Variants in CLSTN2 observed in about 807,000 individuals in gnomAD.
The protein encoded by CLSTN2 is calsyntenin-2.
In CLSTN2, 48 loss-of-function variants were observed where a neutral mutation model predicts 101.2. That is an observed-to-expected ratio of 0.47 (90% CI 0.38 to 0.60). The LOEUF is 0.60. CLSTN2 is among the 20% of genes least tolerant of loss of function. CLSTN2 has a pLI of 0.00. For synonymous variants in CLSTN2, 481 were observed against 463.6 expected (o/e 1.04, Z -0.48); for missense variants, 1,160 against 1,238.2 (o/e 0.94, Z 0.95).
At chr3:140,404,863 T>A in intron 4 of CLSTN2, 97 bp downstream of exon 4, 1 of 1,027,578 alleles carries the variant, frequency 9.7e-7, no homozygotes, top group South Asian at 1.4e-5. Flanking sequence ...CTTGGCAAGT[T>A]ATGCCTTTCT....
At chr3:140,364,677 G>C (rs1318216567) in intron 2 of CLSTN2, among the ~76,000 whole-genome samples, 1 of 152,182 alleles carries the variant, frequency 6.6e-6, no homozygotes, top group Non-Finnish European at 1.5e-5. Context: ...AATGAGGCAG[G>C]GGGAGGGCCA....
intron 2 of CLSTN2, among the ~76,000 whole-genome samples, chr3:140,210,351 T>A (rs2010839413): frequency 6.6e-6 from 1 of 152,208 alleles, no homozygotes; most frequent in African/African-American, 2.4e-5. Flanking sequence ...GACACAGTGT[T>A]CAACTTGATA....
intron 9 of CLSTN2, among the ~76,000 whole-genome samples, chr3:140,543,023 G>A (rs550382755): frequency 6.6e-6 from 1 of 152,226 alleles, no homozygotes; most frequent in Non-Finnish European, 1.5e-5. Context: ...GCCTAAATTT[G>A]TTCATCTATA....
At chr3:140,521,308 T>C (rs962675349) in intron 8 of CLSTN2, among the ~76,000 whole-genome samples, 5 of 152,186 alleles carry the variant, frequency 3.3e-5, no homozygotes, top group Non-Finnish European at 7.3e-5. Flanking sequence ...GACCTTTGAA[T>C]GGGATTTTTG....
intron 7 of CLSTN2, among the ~76,000 whole-genome samples, chr3:140,461,537 G>A (rs572374432): frequency 6.6e-6 from 1 of 152,314 alleles, no homozygotes; most frequent in East Asian, 1.9e-4. Context: ...AAGGCTGAGT[G>A]ATTGGCCCAG....
At chr3:140,509,461 C>A (rs1178285718) in intron 8 of CLSTN2, among the ~76,000 whole-genome samples, 1 of 152,138 alleles carries the variant, frequency 6.6e-6, no homozygotes, top group African/African-American at 2.4e-5. Context: ...AGAGACCACA[C>A]TTTGAGAACC....
intron 2 of CLSTN2, among the ~76,000 whole-genome samples, chr3:140,244,336 C>A (rs1202296789): frequency 6.6e-6 from 1 of 152,132 alleles, no homozygotes; most frequent in African/African-American, 2.4e-5. Flanking sequence ...AGTGTGAAGC[C>A]AAACTGACAT....
At chr3:140,346,294 G>T (rs765972466) in intron 2 of CLSTN2, among the ~76,000 whole-genome samples, 1 of 152,138 alleles carries the variant, frequency 6.6e-6, no homozygotes, top group Non-Finnish European at 1.5e-5. Flanking sequence ...GCATATAATA[G>T]CCCAAACAAG....
intron 2 of CLSTN2, among the ~76,000 whole-genome samples, chr3:140,273,606 T>C (rs2086764669): frequency 6.6e-6 from 1 of 152,204 alleles, no homozygotes; most frequent in South Asian, 2.1e-4. Context: ...AACCACCGTG[T>C]CAGAGCCCCA....
intron 1 of CLSTN2, among the ~76,000 whole-genome samples, chr3:139,974,920 G>A (rs1024207885): frequency 2.6e-5 from 4 of 152,170 alleles, no homozygotes; most frequent in African/African-American, 9.7e-5. Context: ...AGAGTCAGGT[G>A]GGATGGTAGT....
intron 1 of CLSTN2, among the ~76,000 whole-genome samples, chr3:139,953,998 G>C (rs996109266): frequency 4.7e-5 from 7 of 150,520 alleles, no homozygotes; most frequent in Admixed American, 1.3e-4. Context: ...TTTGGGTTCA[G>C]GGGGAACATG....
intron 1 of CLSTN2, among the ~76,000 whole-genome samples, chr3:140,045,742 A>G (rs1420115522): frequency 6.6e-6 from 1 of 152,198 alleles, no homozygotes; most frequent in Non-Finnish European, 1.5e-5. Flanking sequence ...GGTTTCAAAG[A>G]ACATCTTTAT....
intron 5 of CLSTN2, among the ~76,000 whole-genome samples, chr3:140,445,048 A>G (rs746032603): frequency 6.6e-6 from 1 of 152,122 alleles, no homozygotes; most frequent in African/African-American, 2.4e-5. Context: ...TTCTTTTACT[A>G]TATGGTTGCA....
intron 1 of CLSTN2, among the ~76,000 whole-genome samples, chr3:140,171,687 T>TATATA (rs10658008): frequency 0.95 from 107,819 of 113,960 alleles, 51,047 homozygotes; most frequent in East Asian, 0.98. Context: ...TTATATATAA[T>TATATA]ATATATTAAT....
chr3:140,543,026 C>T (rs1935515793), intron 9 of CLSTN2, among the ~76,000 whole-genome samples: 1 of 152,170 alleles, frequency 6.6e-6, no homozygotes, highest in South Asian at 2.1e-4. Flanking sequence ...TAAATTTGTT[C>T]ATCTATAACT....
chr3:140,079,980 A>G (rs2107780669), intron 1 of CLSTN2, among the ~76,000 whole-genome samples: 1 of 152,328 alleles, frequency 6.6e-6, no homozygotes, highest in African/African-American at 2.4e-5. Context: ...ACTTTGAGGA[A>G]GATGTGCTCA....
rs145163475 is a variant in CLSTN2, at chr3:140,310,353, C to G, written c.233-93276C>G. ...GCCTCTGTCGCACCTCTACCCAGCA[C>G]ACTCCCTCTGGCCCAGGCTCAGACA... On this transcript the variant is annotated intron_variant, in intron 2 of 16. Transcript: ENST00000458420. Among the ~76,000 whole-genome samples, 1,277 of 152,084 alleles carry G rather than the reference C, an allele frequency of 8.4e-3. 16 individuals carry two copies. The highest frequency in any genetic ancestry group is 0.029 in the African/African-American group (1,197 of 41,462).
chr3:140,547,136 G>T (rs369160727), intron 10 of CLSTN2, among the ~76,000 whole-genome samples: 1 of 152,192 alleles, frequency 6.6e-6, no homozygotes, highest in East Asian at 1.9e-4. Context: ...GAGAAAGCAG[G>T]TATGGAGGTC....
chr3:140,368,539 G>A (rs143476519), intron 2 of CLSTN2, among the ~76,000 whole-genome samples: 305 of 152,266 alleles, frequency 2.0e-3, no homozygotes, highest in Non-Finnish European at 3.8e-3. Flanking sequence ...GCCAAGGGGT[G>A]GTATCTATGT....
Sources: gnomAD v4.1 joint callset for allele counts (sites outside exome capture counted in the v4.1 genomes callset) on GRCh38, gnomAD v4.1.1 for gene constraint, MANE v1.5 for transcripts, NCBI Gene and HGNC (gene_info 2026-07-23, HGNC 2026-07-21) for gene names.